PRKN: variants seen among roughly 807,000 people sequenced by gnomAD.
PRKN encodes the protein parkin RBR E3 ubiquitin protein ligase.
Under a neutral mutation model 59.5 loss-of-function variants are expected in PRKN, and 56 were observed. That is an observed-to-expected ratio of 0.94 (90% CI 0.76 to 1.18). PRKN has a LOEUF of 1.18. Among genes scored for constraint, PRKN ranks in the 50% most tolerant of loss-of-function variants. PRKN has a pLI of 0.00. For missense variants in PRKN, 657 were observed against 596.4 expected, an observed-to-expected ratio of 1.10 and a Z score of -1.06; for synonymous variants, 250 against 222.1, an observed-to-expected ratio of 1.13 and a Z score of -1.12.
chr6:162,190,329 C>T (rs919262186), intron 4 of PRKN, among the ~76,000 whole-genome samples: 2 of 152,156 alleles, frequency 1.3e-5, no homozygotes. Context: ...CACTTCTAAT[C>T]CAGTTCTAGA....
intron 7 of PRKN, among the ~76,000 whole-genome samples, chr6:161,706,836 G>C (rs1786521386): frequency 6.6e-6 from 1 of 152,216 alleles, no homozygotes; most frequent in South Asian, 2.1e-4. Flanking sequence ...GGGATTACAG[G>C]CGTGAGCCAC....
At chr6:161,422,404 A>T (rs377737354) in intron 9 of PRKN, among the ~76,000 whole-genome samples, 1 of 151,942 alleles carries the variant, frequency 6.6e-6, no homozygotes, top group African/African-American at 2.4e-5. Flanking sequence ...TCACCATGTT[A>T]GTCAGGCTGG....
intron 7 of PRKN, among the ~76,000 whole-genome samples, chr6:161,759,380 TAAA>T (rs1789094382): frequency 6.6e-6 from 1 of 152,112 alleles, no homozygotes; most frequent in Non-Finnish European, 1.5e-5. Flanking sequence ...CCAGTCACTG[TAAA>T]TTTAAAGGTG....
At chr6:162,158,567 G>C (rs1782625735) in intron 4 of PRKN, among the ~76,000 whole-genome samples, 1 of 151,916 alleles carries the variant, frequency 6.6e-6, no homozygotes, top group African/African-American at 2.4e-5. Context: ...GAGTAGCTGG[G>C]ACTACACTTG....
chr6:161,859,921 C>A (rs1207336730), intron 6 of PRKN, among the ~76,000 whole-genome samples: 1 of 152,062 alleles, frequency 6.6e-6, no homozygotes, highest in Non-Finnish European at 1.5e-5. Context: ...CTGAACGGAA[C>A]AATGGTTAAT....
intron 7 of PRKN, among the ~76,000 whole-genome samples, chr6:161,686,014 T>C (rs12214138): frequency 0.12 from 17,717 of 149,884 alleles, 2,154 homozygotes; most frequent in African/African-American, 0.31. Context: ...TATTTTACAA[T>C]GTTTTTAAAT....
chr6:161,971,421 T>C (rs2128251338), intron 6 of PRKN, among the ~76,000 whole-genome samples: 1 of 152,326 alleles, frequency 6.6e-6, no homozygotes, highest in South Asian at 2.1e-4. Flanking sequence ...ATTTTTCCTT[T>C]GAAAAACTGA....
At chr6:162,472,357 C>T (rs1396214861) in intron 1 of PRKN, among the ~76,000 whole-genome samples, 1 of 131,926 alleles carries the variant, frequency 7.6e-6, no homozygotes, top group Non-Finnish European at 1.6e-5. Context: ...CTCCCCCCAC[C>T]CCCCACCCCA....
At chr6:162,301,655 T>C (rs1781956813) in intron 2 of PRKN, among the ~76,000 whole-genome samples, 1 of 151,986 alleles carries the variant, frequency 6.6e-6, no homozygotes, top group Non-Finnish European at 1.5e-5. Context: ...CTTAAAAGCA[T>C]GCCAGACCTA....
chr6:162,446,059 A>G, intron 1 of PRKN, among the ~76,000 whole-genome samples: 1 of 152,192 alleles, frequency 6.6e-6, no homozygotes, highest in East Asian at 1.9e-4. Flanking sequence ...ACGGAGGAAA[A>G]GGTGCTTTTG....
chr6:162,610,025 A>C (rs762444084), intron 1 of PRKN, among the ~76,000 whole-genome samples: 3 of 152,246 alleles, frequency 2.0e-5, no homozygotes, highest in Non-Finnish European at 4.4e-5. Flanking sequence ...CATTTCATGT[A>C]TGTTTTGAAA....
At chr6:162,156,830 G>C (rs1193618924) in intron 4 of PRKN, among the ~76,000 whole-genome samples, 1 of 152,084 alleles carries the variant, frequency 6.6e-6, no homozygotes, top group African/African-American at 2.4e-5. Flanking sequence ...TTTGCACACA[G>C]GTGGAACAGA....
At chr6:162,650,781 T>TG (rs1295577533) in intron 1 of PRKN, among the ~76,000 whole-genome samples, 1 of 152,104 alleles carries the variant, frequency 6.6e-6, no homozygotes, top group African/African-American at 2.4e-5. Flanking sequence ...TCCATTCTCT[T>TG]GGAGTCTTCC....
intron 7 of PRKN, among the ~76,000 whole-genome samples, chr6:161,700,531 G>C (rs1422142903): frequency 6.6e-6 from 1 of 152,124 alleles, no homozygotes; most frequent in Non-Finnish European, 1.5e-5. Context: ...TGTATATCAG[G>C]TAATGGGGTT....
intron 1 of PRKN, among the ~76,000 whole-genome samples, chr6:162,558,432 C>T (rs1052243938): frequency 2.6e-5 from 4 of 151,158 alleles, no homozygotes; most frequent in Non-Finnish European, 5.9e-5. Flanking sequence ...TGGGTTCAAG[C>T]GATTCTCCTG....
intron 2 of PRKN, among the ~76,000 whole-genome samples, chr6:162,382,505 A>G (rs1486161980): frequency 1.3e-5 from 2 of 152,224 alleles, no homozygotes; most frequent in Non-Finnish European, 2.9e-5. Context: ...GTATATAAAA[A>G]CAGCATACAA....
intron 7 of PRKN, among the ~76,000 whole-genome samples, chr6:161,597,817 G>A (rs1231799852): frequency 1.3e-5 from 2 of 148,752 alleles, no homozygotes; most frequent in Non-Finnish European, 3.0e-5. Flanking sequence ...TAAAAGGTCT[G>A]TCCTCTGATC....
intron 2 of PRKN, among the ~76,000 whole-genome samples, chr6:162,293,280 TAAG>T (rs1408281629): frequency 6.6e-5 from 10 of 152,048 alleles, no homozygotes; most frequent in Non-Finnish European, 1.5e-4. Context: ...GATGAAAGGA[TAAG>T]AAGAGGGAAA....
chr6:161,833,722 T>C (rs758335459), intron 6 of PRKN, among the ~76,000 whole-genome samples: 1 of 152,090 alleles, frequency 6.6e-6, no homozygotes. Context: ...CCTCACTGTA[T>C]GGATAAGTAA....
Sources: gnomAD v4.1 joint callset for allele counts (sites outside exome capture counted in the v4.1 genomes callset) on GRCh38, gnomAD v4.1.1 for gene constraint, MANE v1.5 for transcripts, NCBI Gene and HGNC (gene_info 2026-07-23, HGNC 2026-07-21) for gene names.